The following LRRFIP2 variants were observed in gnomAD, a reference collection of about 807,000 sequenced individuals.
The protein encoded by LRRFIP2 is leucine-rich repeat flightless-interacting protein 2.
LRRFIP2 carries 109 observed loss-of-function variants against 125.9 expected under a neutral mutation model. The ratio of observed to expected loss-of-function variants is 0.87; its 90% CI spans 0.74 to 1.01. The LOEUF is 1.01. Among genes scored for constraint, LRRFIP2 ranks in the 50% least tolerant of loss-of-function variants. The pLI, the probability that LRRFIP2 is intolerant of heterozygous loss-of-function variation, is 0.00. For missense variants in LRRFIP2, 850 were observed against 862.3 expected (o/e 0.99, Z 0.18); for synonymous variants, 291 against 293.1 (o/e 0.99, Z 0.07).
intron 1 of LRRFIP2, among the ~76,000 whole-genome samples, chr3:37,152,063 A>G (rs571884827): frequency 1.3e-5 from 2 of 152,346 alleles, no homozygotes; most frequent in African/African-American, 4.8e-5. Context: ...CGGAAAAAAC[A>G]CAAGTGCTCA....
intron 21 of LRRFIP2, 62 bp downstream of exon 21, chr3:37,072,728 G>T: frequency 2.0e-6 from 2 of 985,940 alleles, no homozygotes; most frequent in Non-Finnish European, 3.1e-6. Flanking sequence ...CAATCTCTAG[G>T]TTAAATTCTA....
chr3:37,165,091 C>T (rs931539256), intron 1 of LRRFIP2, among the ~76,000 whole-genome samples: 3 of 151,896 alleles, frequency 2.0e-5, no homozygotes, highest in African/African-American at 7.3e-5. Context: ...AAAAATTAGC[C>T]AGGCGTGGTG....
At chr3:37,130,729 C>T (rs2149706855) in intron 2 of LRRFIP2, among the ~76,000 whole-genome samples, 1 of 152,274 alleles carries the variant, frequency 6.6e-6, no homozygotes, top group East Asian at 1.9e-4. Context: ...TATCAAATCA[C>T]AGTGATTGTG....
chr3:37,085,020 AAATGG>A lies in LRRFIP2; in HGVS notation c.1108-1219_1108-1215del, dbSNP rs1186387315. ...CCATGTAACTCAATGGGAAAAGAAT[AAATGG>A]TATTGGGACAAGTGGATACCCACAA... is the stretch of plus-strand genomic sequence containing the variant. On this transcript the variant is annotated intron_variant, in intron 18 of 27. Transcript: ENST00000336686. Among the ~76,000 whole-genome samples the A allele has an allele frequency of 7.2e-5, 11 of 152,376 alleles. No individual in the cohort carries two copies. The East Asian group carries it at 2.1e-3, about 29-fold the overall frequency.
intron 18 of LRRFIP2, among the ~76,000 whole-genome samples, chr3:37,087,496 A>G (rs1227230690): frequency 2.0e-5 from 3 of 152,220 alleles, no homozygotes; most frequent in Non-Finnish European, 4.4e-5. Flanking sequence ...ACTAGACCAC[A>G]AAAGACTGTT....
chr3:37,056,057 GA>G (rs1395037978), intron 25 of LRRFIP2, among the ~76,000 whole-genome samples: 1 of 152,178 alleles, frequency 6.6e-6, no homozygotes, highest in Non-Finnish European at 1.5e-5. Context: ...TAAGCAAGAA[GA>G]GGGGCCCTGT....
chr3:37,083,455 T>C (rs2092799399), intron 19 of LRRFIP2, among the ~76,000 whole-genome samples, 181 bp downstream of exon 19: 7 of 152,208 alleles, frequency 4.6e-5, no homozygotes, highest in Admixed American at 4.6e-4. Flanking sequence ...AGAAAATATT[T>C]TTTTAAATAA....
chr3:37,128,950 G>A (rs1014873216), intron 3 of LRRFIP2, 113 bp downstream of exon 3: 15 of 957,982 alleles, frequency 1.6e-5, no homozygotes, highest in Non-Finnish European at 2.5e-5. Context: ...ACATACATCA[G>A]TTTATACTAT....
At chr3:37,167,474 C>T (rs1030088568) in intron 1 of LRRFIP2, among the ~76,000 whole-genome samples, 3 of 149,802 alleles carry the variant, frequency 2.0e-5, no homozygotes, top group Admixed American at 6.7e-5. Context: ...GCCAATAGGG[C>T]GAAACCCCGT....
intron 15 of LRRFIP2, 141 bp downstream of exon 15, chr3:37,102,783 T>C: frequency 1.7e-6 from 1 of 581,312 alleles, no homozygotes; most frequent in South Asian, 2.4e-5. Context: ...ATTACAAGTG[T>C]GAGCCACCAT....
chr3:37,126,748 A>G (rs1041662897), intron 4 of LRRFIP2, among the ~76,000 whole-genome samples: 5 of 151,938 alleles, frequency 3.3e-5, no homozygotes, highest in Admixed American at 3.3e-4. Context: ...AATCCCAGCT[A>G]CTTGAGATGC....
chr3:37,160,932 T>C (rs1209106855), intron 1 of LRRFIP2, among the ~76,000 whole-genome samples: 3 of 152,158 alleles, frequency 2.0e-5, no homozygotes, highest in Non-Finnish European at 4.4e-5. Context: ...TAACGGAATA[T>C]TCACAGTAGC....
chr3:37,108,205 TTTACCTAACTTGCCCCTGGTTCTCAAGA>T lies in LRRFIP2; in HGVS notation c.658-104_658-77del. ...TCTAATGAGAATACATTAGGGACCATTTACCTAACTTGCCCCTGGTTCTCAAGATAAAGGTAACTGTTATTCAGTGGTG... is the reference window on the plus strand; with the variant it reads ...TCTAATGAGAATACATTAGGGACCATTAAAGGTAACTGTTATTCAGTGGTG... On this transcript the variant is annotated intron_variant, in intron 12 of 27. Transcript: ENST00000336686. 3 of 1,141,886 alleles carry T rather than the reference TTTACCTAACTTGCCCCTGGTTCTCAAGA, an allele frequency of 2.6e-6. No individual in the cohort carries two copies. The South Asian group carries it at 3.8e-5, about 15-fold the overall frequency. The allele number at this position is 1,141,886 out of a possible 1,614,324, so 70.7% of individuals were successfully genotyped here.
At chr3:37,090,218 T>TTTGTTTG (rs1559790699) in intron 18 of LRRFIP2, among the ~76,000 whole-genome samples, 4 of 150,914 alleles carry the variant, frequency 2.7e-5, no homozygotes, top group South Asian at 2.1e-4. Context: ...ATTTTACTTT[T>TTTGTTTG]TTTGTTTGTT....
chr3:37,060,547 C>T lies in LRRFIP2; in HGVS notation c.1750-1637G>A, dbSNP rs2088312260. 6.6e-6 allele frequency among the ~76,000 whole-genome samples: 1 copy of T among 152,052 alleles called. No individual in the cohort carries two copies. Among genetic ancestry groups the T allele is most frequent in the Non-Finnish European group, 1.5e-5 (1 of 67,996 alleles). ...TGAACTCCTGACCTCAAGTCATCCACCCACCTTGGCCTCCCCAAGTGCTGG... is the reference window on the plus strand; with the variant it reads ...TGAACTCCTGACCTCAAGTCATCCATCCACCTTGGCCTCCCCAAGTGCTGG... On this transcript the variant is annotated intron_variant, in intron 24 of 27. Coordinates refer to ENST00000336686, the MANE Select transcript of LRRFIP2 (RefSeq NM_006309.4). The surrounding 1 kb of genome is among the most constrained non-coding windows in gnomAD (Gnocchi z 4.1).
intron 1 of LRRFIP2, among the ~76,000 whole-genome samples, chr3:37,169,424 T>C (rs781185416): frequency 2.6e-5 from 4 of 152,174 alleles, no homozygotes; most frequent in African/African-American, 4.8e-5. Flanking sequence ...GGAAAAAACA[T>C]CTAATCTAAA....
intron 1 of LRRFIP2, among the ~76,000 whole-genome samples, chr3:37,155,348 CA>C (rs2096154282): frequency 6.6e-6 from 1 of 152,060 alleles, no homozygotes; most frequent in Admixed American, 6.6e-5. Context: ...TTTAACTAAA[CA>C]AAAATATCCT....
chr3:37,103,104 T>A, intron 14 of LRRFIP2, 91 bp from the exon 15 acceptor site: 1 of 908,660 alleles, frequency 1.1e-6, no homozygotes, highest in East Asian at 2.8e-5. Flanking sequence ...AAAAGTTTTT[T>A]AAAATTTTGA....
chr3:37,085,831 C>T (rs1387431806), intron 18 of LRRFIP2, among the ~76,000 whole-genome samples: 1 of 152,076 alleles, frequency 6.6e-6, no homozygotes, highest in Non-Finnish European at 1.5e-5. Flanking sequence ...ATCTGCCCAC[C>T]TCCGCCTCCC....
Sources: gnomAD v4.1 joint callset for allele counts (sites outside exome capture counted in the v4.1 genomes callset) on GRCh38, gnomAD v4.1.1 for gene constraint, Gnocchi (gnomAD v3.1) non-coding constraint, MANE v1.5 for transcripts, NCBI Gene and HGNC (gene_info 2026-07-23, HGNC 2026-07-21) for gene names.